The following CHODL variants were observed in gnomAD, a reference collection of about 807,000 sequenced individuals.
The protein encoded by CHODL is transmembrane protein MT75.
CHODL carries 29 observed loss-of-function variants against 34.5 expected under a neutral mutation model. The observed-to-expected ratio is 0.84, with a 90% CI of 0.63 to 1.15. The LOEUF (loss-of-function observed/expected upper bound fraction) is 1.15, where lower values mean the gene tolerates loss of function less well. Ranked by LOEUF, CHODL falls within the 50% of genes most tolerant of loss-of-function variation. The pLI, the probability that CHODL is intolerant of heterozygous loss-of-function variation, is 0.00. For missense variants in CHODL, 332 were observed against 332.5 expected, an observed-to-expected ratio of 1.00 and a Z score of 0.01; for synonymous variants, 125 against 116.1, an observed-to-expected ratio of 1.08 and a Z score of -0.49.
At chr21:18,030,715 C>A (rs1196187224) in intron 2 of CHODL, among the ~76,000 whole-genome samples, 1 of 151,970 alleles carries the variant, frequency 6.6e-6, no homozygotes, top group African/African-American at 2.4e-5. Flanking sequence ...CTTTAGGATT[C>A]TGGAAAAAAA....
At chr21:18,203,703 C>T (rs1470355142) in intron 2 of CHODL, among the ~76,000 whole-genome samples, 1 of 151,994 alleles carries the variant, frequency 6.6e-6, no homozygotes, top group East Asian at 1.9e-4. Context: ...AAAATAAAGC[C>T]TAACTAATTT....
chr21:18,136,767 TACAC>T lies in CHODL; in HGVS notation c.-45+108802_-45+108805del, dbSNP rs796570462. ...ATATATATATATGTATACACATACA[TACAC>T]ACACATATGCTCACATATATGATAT... On this transcript the variant is annotated intron_variant, in intron 2 of 6. Coordinates refer to the CHODL transcript ENST00000400127. Among the ~76,000 whole-genome samples the T allele has an allele frequency of 7.1e-4, 101 of 142,998 alleles. 1 individual carries two copies. The South Asian group carries it at 0.016, about 22-fold the overall frequency. 93.8% of individuals were successfully genotyped at this position (142,998 alleles called of 152,430 possible).
chr21:17,950,531 C>CAT (rs1568813324), intron 1 of CHODL, among the ~76,000 whole-genome samples: 62 of 125,576 alleles, frequency 4.9e-4, no homozygotes, highest in African/African-American at 1.9e-3. Context: ...CACACACACA[C>CAT]ACACTTCTTT....
intron 1 of CHODL, among the ~76,000 whole-genome samples, chr21:17,927,152 A>G (rs10446094): frequency 1.3e-3 from 78 of 57,802 alleles, no homozygotes; most frequent in East Asian, 3.0e-3. Context: ...GTATATATGT[A>G]TATATATGTA....
rs1485629617 is a variant in CHODL at position 17,992,748 on chromosome 21, A to G, written c.-144-35124A>G. On this transcript the variant is annotated intron_variant, in intron 1 of 6. Transcript: ENST00000400127. ...TTTTTTTTTTTTTTTTTTTTTCCAG[A>G]CAGAGTTTCACTTCTGTTGCTTCAG... 4.1e-5 allele frequency among the ~76,000 whole-genome samples: 4 copies of G among 98,236 alleles called. No individual in the cohort carries two copies. In the East Asian group the frequency reaches 1.1e-3, roughly 26 times the overall value. The allele number at this position is 98,236 out of a possible 152,430, so 64.4% of individuals were successfully genotyped here. A position where few individuals can be genotyped will look rare whatever the true frequency, so the allele number is the denominator to read the frequency against.
At chr21:18,126,420 C>T (rs1009542716) in intron 2 of CHODL, among the ~76,000 whole-genome samples, 5 of 152,124 alleles carry the variant, frequency 3.3e-5, no homozygotes, top group Non-Finnish European at 5.9e-5. Flanking sequence ...AATTGTGCAA[C>T]TTGCTTTATT....
At chr21:18,108,055 T>C (rs999934899) in intron 2 of CHODL, among the ~76,000 whole-genome samples, 1 of 152,206 alleles carries the variant, frequency 6.6e-6, no homozygotes, top group African/African-American at 2.4e-5. Flanking sequence ...TCTGTGAACT[T>C]CCTGATTTCC....
At chr21:18,193,511 T>C (rs972524874) in intron 2 of CHODL, among the ~76,000 whole-genome samples, 8 of 151,732 alleles carry the variant, frequency 5.3e-5, no homozygotes, top group African/African-American at 1.9e-4. Context: ...CTGCCCAACA[T>C]GGTGAAACCC....
chr21:18,159,875 G>C (rs1156395909), intron 2 of CHODL, among the ~76,000 whole-genome samples: 1 of 152,162 alleles, frequency 6.6e-6, no homozygotes, highest in Admixed American at 6.5e-5. Flanking sequence ...ATGAGCCAAG[G>C]ACTGTGGGCA....
intron 2 of CHODL, among the ~76,000 whole-genome samples, chr21:18,174,161 A>ATATATATCTTGGTATATATATAT (rs2073276201): frequency 1.2e-5 from 1 of 85,668 alleles, no homozygotes; most frequent in Non-Finnish European, 3.1e-5. Context: ...ATATATATAT[A>ATATATATCTTGGTATATATATAT]AAATCAAGTC....
At chr21:18,018,750 T>A (rs1321535628) in intron 1 of CHODL, among the ~76,000 whole-genome samples, 3 of 152,216 alleles carry the variant, frequency 2.0e-5, no homozygotes, top group Admixed American at 1.3e-4. Context: ...AAAACTGCCA[T>A]TAAAAGTAAT....
At chr21:17,954,844 TAAAATATAAA>T (rs2063484603) in intron 1 of CHODL, among the ~76,000 whole-genome samples, 2 of 131,270 alleles carry the variant, frequency 1.5e-5, no homozygotes, top group African/African-American at 5.1e-5. Context: ...AATATATATT[TAAAATATAAA>T]TATATAATTC....
chr21:18,261,455 C>T (rs1458197834), intron 4 of CHODL, among the ~76,000 whole-genome samples: 1 of 151,310 alleles, frequency 6.6e-6, no homozygotes, highest in African/African-American at 2.4e-5. Flanking sequence ...CACCTGAGGT[C>T]AGGAGTTCGA....
chr21:18,097,485 TA>T (rs2065153781), intron 2 of CHODL, among the ~76,000 whole-genome samples: 1 of 151,890 alleles, frequency 6.6e-6, no homozygotes, highest in African/African-American at 2.4e-5. Context: ...TAGCCACAAA[TA>T]AAATTAAATA....
chr21:17,987,132 G>A (rs2063759806), intron 1 of CHODL, among the ~76,000 whole-genome samples: 1 of 152,110 alleles, frequency 6.6e-6, no homozygotes, highest in African/African-American at 2.4e-5. Flanking sequence ...AATAGATGGG[G>A]AGGAGGTTAT....
Position 17,928,105 on chromosome 21 carries a change from G to A in CHODL, c.-145+10705G>A, listed in dbSNP as rs935199440. The stretch of plus-strand genomic sequence containing the variant: ...AAACAAATTTAAAGTTCGAATTTAA[G>A]GGTTGTTCTCATCTTTCAAATATTT... On this transcript the variant is annotated intron_variant, in intron 1 of 6. Transcript: ENST00000400127. Among the ~76,000 whole-genome samples the A allele has an allele frequency of 2.6e-5, 4 of 152,146 alleles. 1 individual carries two copies. The South Asian group carries it at 8.3e-4, about 32-fold the overall frequency.
intron 1 of CHODL, among the ~76,000 whole-genome samples, chr21:18,012,433 C>T (rs1334971351): frequency 2.0e-5 from 3 of 152,040 alleles, no homozygotes; most frequent in East Asian, 1.9e-4. Flanking sequence ...TGAGTCTGCC[C>T]GTTGCCAGCT....
chr21:17,981,053 T>C (rs1270846514), intron 1 of CHODL, among the ~76,000 whole-genome samples: 1 of 152,346 alleles, frequency 6.6e-6, no homozygotes, highest in East Asian at 1.9e-4. Context: ...TTGGTCCCAT[T>C]GTAACCAGTT....
chr21:17,929,030 G>C (rs1247905486), intron 1 of CHODL, among the ~76,000 whole-genome samples: 1 of 152,148 alleles, frequency 6.6e-6, no homozygotes, highest in African/African-American at 2.4e-5. Flanking sequence ...GTAAGGAGCT[G>C]TTTCTAATGT....
Sources: gnomAD v4.1 joint callset for allele counts (sites outside exome capture counted in the v4.1 genomes callset) on GRCh38, gnomAD v4.1.1 for gene constraint, MANE v1.5 for transcripts, NCBI Gene and HGNC (gene_info 2026-07-23, HGNC 2026-07-21) for gene names.